Variants in GCNT1 observed in about 807,000 individuals in gnomAD.
The protein encoded by GCNT1 is glucosaminyl (N-acetyl) transferase 1.
A neutral mutation model predicts 26.2 loss-of-function variants in GCNT1; 16 were observed. The ratio of observed to expected loss-of-function variants is 0.61; its 90% CI spans 0.41 to 0.93. The LOEUF (loss-of-function observed/expected upper bound fraction) is 0.93, where lower values mean the gene tolerates loss of function less well. Among genes scored for constraint, GCNT1 ranks in the 40% least tolerant of loss-of-function variants. The pLI, the probability that GCNT1 is intolerant of heterozygous loss-of-function variation, is 0.00. For synonymous variants in GCNT1, 183 were observed against 190.8 expected, an observed-to-expected ratio of 0.96 and a Z score of 0.34; for missense variants, 477 against 526.7, an observed-to-expected ratio of 0.91 and a Z score of 0.92.
chr9:76,477,801 C>A (rs768442375), intron 2 of GCNT1, among the ~76,000 whole-genome samples: 5 of 152,192 alleles, frequency 3.3e-5, no homozygotes, highest in African/African-American at 1.2e-4. Context: ...TTCCCTCCCC[C>A]AGCTCTGGAA....
At chr9:76,463,276 A>T (rs1823914965) in intron 2 of GCNT1, among the ~76,000 whole-genome samples, 1 of 119,066 alleles carries the variant, frequency 8.4e-6, no homozygotes, top group Non-Finnish European at 1.9e-5. Flanking sequence ...GCCCCTTGTT[A>T]AAAAAATTAA....
chr9:76,453,170 A>G (rs1347926688), intron 1 of GCNT1, among the ~76,000 whole-genome samples: 3 of 152,166 alleles, frequency 2.0e-5, no homozygotes, highest in African/African-American at 7.2e-5. Context: ...TGTTTAGCAC[A>G]GGAGATCCCT....
rs902231665 is a variant in GCNT1, at chr9:76,433,617, G to A, written n.38+13730G>A. Among the ~76,000 whole-genome samples, 17 of 152,164 alleles carry A rather than the reference G, an allele frequency of 1.1e-4. No individual in the cohort carries two copies. In the South Asian group the frequency reaches 1.2e-3, roughly 11 times the overall value. ...CTGCCAGGGGCTGAGTGCTGCAGTC[G>A]CGGTGGCCACAGGATCCATGCTGGA... On this transcript the variant is annotated intron_variant and non_coding_transcript_variant, in intron 1 of 3. Transcript: ENST00000488136.
At chr9:76,421,631 A>G (rs1269823807) in intron 1 of GCNT1, among the ~76,000 whole-genome samples, 1 of 149,742 alleles carries the variant, frequency 6.7e-6, no homozygotes, top group Non-Finnish European at 1.5e-5. Context: ...AACCACAACA[A>G]AAAACAACCC....
the GCNT1 span, among the ~76,000 whole-genome samples, chr9:76,395,246 C>T: frequency 6.6e-6 from 1 of 152,204 alleles, no homozygotes; most frequent in Non-Finnish European, 1.5e-5. Flanking sequence ...GGTGCATCCT[C>T]TTAACGTCTC....
chr9:76,487,671 C>CT (rs1000829050), intron 2 of GCNT1, among the ~76,000 whole-genome samples: 10 of 151,960 alleles, frequency 6.6e-5, no homozygotes, highest in African/African-American at 2.4e-4. Context: ...TGGGGATTCT[C>CT]TTTTTTTTCT....
intron 2 of GCNT1, among the ~76,000 whole-genome samples, chr9:76,469,173 T>C (rs1471281683): frequency 1.3e-5 from 2 of 152,152 alleles, no homozygotes; most frequent in African/African-American, 2.4e-5. Context: ...AAGTAATAAG[T>C]TTTATTGCAT....
At chr9:76,404,428 T>C in the GCNT1 span, among the ~76,000 whole-genome samples, 4 of 152,186 alleles carry the variant, frequency 2.6e-5, no homozygotes, top group African/African-American at 9.7e-5. Flanking sequence ...TGGAAAATTA[T>C]TACCAGCTGA....
upstream of GCNT1, among the ~76,000 whole-genome samples, chr9:76,455,712 G>A (rs1564229511): frequency 6.6e-6 from 1 of 151,716 alleles, no homozygotes. Flanking sequence ...ACCGATTCTC[G>A]TGCCTCAGCC....
At chr9:76,469,613 C>A (rs969352941) in intron 2 of GCNT1, among the ~76,000 whole-genome samples, 1 of 152,176 alleles carries the variant, frequency 6.6e-6, no homozygotes, top group Non-Finnish European at 1.5e-5. Context: ...TATTGTCCAC[C>A]ATTGTTCTTT....
the GCNT1 span, chr9:76,398,630 G>A: frequency 4.6e-6 from 4 of 867,900 alleles, no homozygotes; most frequent in South Asian, 1.4e-5. Context: ...TGCTTTCCGC[G>A]CTACCTACAG....
chr9:76,423,435 G>A (rs1018825058), intron 1 of GCNT1, among the ~76,000 whole-genome samples: 2 of 152,190 alleles, frequency 1.3e-5, no homozygotes, highest in Non-Finnish European at 1.5e-5. Context: ...AAAGGCCCTT[G>A]CAAGATGCTG....
In GCNT1 at chr9:76,443,876, G is replaced by GGAAAGAAAGAAAGAAA. The variant is rs145373981; in HGVS notation, c.-290+1571_-290+1586dup. ...CAGAGTGAGACTCTGTCTAAAAAAA[G>GGAAAGAAAGAAAGAAA]GAAAGAAAGAAAGAAAGAAAGAAAG... On this transcript the variant is annotated intron_variant, in intron 1 of 2. Transcript: ENST00000442371. Among the ~76,000 whole-genome samples, 14 of 54,358 alleles carry GGAAAGAAAGAAAGAAA rather than the reference G, an allele frequency of 2.6e-4. 1 individual carries two copies. The highest frequency in any genetic ancestry group is 8.6e-4 in the Admixed American group (5 of 5,832). 35.7% of individuals were successfully genotyped at this position (54,358 alleles called of 152,430 possible). A position where few individuals can be genotyped will look rare whatever the true frequency, so the allele number is the denominator to read the frequency against.
At chr9:76,406,546 G>A in the GCNT1 span, among the ~76,000 whole-genome samples, 92 of 150,744 alleles carry the variant, frequency 6.1e-4, 1 homozygote, top group Middle Eastern at 0.014. Context: ...TTGGCTAGGC[G>A]TGGTGGCTCA....
chr9:76,467,981 A>T (rs112255503), intron 2 of GCNT1, among the ~76,000 whole-genome samples: 301 of 127,948 alleles, frequency 2.4e-3, no homozygotes, highest in African/African-American at 9.0e-3. Context: ...ATCTCAGGTC[A>T]CTGTAACCTC....
intron 2 of GCNT1, among the ~76,000 whole-genome samples, chr9:76,463,229 A>G (rs1040805111): frequency 6.6e-6 from 1 of 152,174 alleles, no homozygotes; most frequent in Non-Finnish European, 1.5e-5. Context: ...AATCAAACTA[A>G]TTTGTAAAAC....
chr9:76,471,395 G>A (rs927587247), intron 2 of GCNT1, among the ~76,000 whole-genome samples: 1 of 152,094 alleles, frequency 6.6e-6, no homozygotes, highest in Non-Finnish European at 1.5e-5. Flanking sequence ...CTATACTGAA[G>A]ACCTAGTAAT....
At chr9:76,417,127 GTT>G (rs757852057), upstream of GCNT1, among the ~76,000 whole-genome samples, 1 of 152,260 alleles carries the variant, frequency 6.6e-6, no homozygotes, top group Non-Finnish European at 1.5e-5. Flanking sequence ...GTTAAGAAAT[GTT>G]TTCTTTGAAA....
At chr9:76,394,201 G>C in the GCNT1 span, 1 of 1,558,396 alleles carries the variant, frequency 6.4e-7, no homozygotes, top group East Asian at 2.4e-5. Flanking sequence ...ATGGGCTGCG[G>C]CCCGGTCTGC....
Sources: allele counts gnomAD v4.1 joint callset (sites outside exome capture counted in the v4.1 genomes callset), GRCh38; gene constraint gnomAD v4.1.1; transcripts MANE v1.5; gene names NCBI Gene and HGNC (gene_info 2026-07-23, HGNC 2026-07-21).